The following ARID1B variants were observed in gnomAD, a reference collection of about 807,000 sequenced individuals.
ARID1B encodes AT-rich interaction domain 1B.
A neutral mutation model predicts 212.3 loss-of-function variants in ARID1B; 30 were observed. That is an observed-to-expected ratio of 0.14 (90% CI 0.11 to 0.19). The LOEUF is 0.19. Among genes scored for constraint, ARID1B ranks in the 10% least tolerant of loss-of-function variants. ARID1B has a pLI of 1.00. For missense variants in ARID1B, 2,891 were observed against 3,204.0 expected, an observed-to-expected ratio of 0.90 and a Z score of 2.36; for synonymous variants, 1,402 against 1,301.7, an observed-to-expected ratio of 1.08 and a Z score of -1.66.
rs1794446057 is a variant in ARID1B, at chr6:157,206,311, T to C, written c.5539T>C (p.Leu1847=). 1 of 1,614,046 alleles carries C rather than the reference T, an allele frequency of 6.2e-7. No individual in the cohort carries two copies. The highest frequency in any genetic ancestry group is 1.3e-5 in the African/African-American group (1 of 74,920). The change falls in exon 20 of 20, where the codon TTG becomes CTG. Residue 1847 remains leucine, a synonymous_variant. Transcript: ENST00000636930. This position sits in a 1 kb window ranked among gnomAD's most constrained non-coding sequence, Gnocchi z 6.8. ...AGCAAGGAAGGATGACAGCCAGTCCTTGGCAGACGATTCTGGGAAAGAGGA... is the reference window on the plus strand; with the variant it reads ...AGCAAGGAAGGATGACAGCCAGTCCCTGGCAGACGATTCTGGGAAAGAGGA... The part of the protein sequence containing the change: ...NAARKDDSQS[L]ADDSGKEEED...
chr6:156,789,228 T>C (rs1489211538), intron 1 of ARID1B, among the ~76,000 whole-genome samples: 2 of 152,240 alleles, frequency 1.3e-5, no homozygotes, highest in Non-Finnish European at 2.9e-5. Flanking sequence ...AAAGTGATCC[T>C]AATTTGGATT....
intron 3 of ARID1B, among the ~76,000 whole-genome samples, chr6:156,924,072 T>C (rs1440743844): frequency 6.6e-6 from 1 of 152,198 alleles, no homozygotes; most frequent in Non-Finnish European, 1.5e-5. Flanking sequence ...CCAGGCACAG[T>C]GCTAATTGCT....
rs1168713993 is a variant in ARID1B at position 157,039,729 on chromosome 6, T to C, written c.2248-44933T>C. The stretch of plus-strand genomic sequence containing the variant: ...TCCTTTCTTTCCTTCCTTTCTTTCT[T>C]TCCCTCCCTCCCTCCCTTCCTTCCT... On this transcript the variant is annotated intron_variant, in intron 4 of 19. Transcript: ENST00000636930. Among the ~76,000 whole-genome samples the C allele has an allele frequency of 1.4e-3, 97 of 68,064 alleles. 1 individual carries two copies. Among genetic ancestry groups the C allele is most frequent in the African/African-American group, 5.0e-3 (82 of 16,564 alleles). 44.7% of individuals were successfully genotyped at this position (68,064 alleles called of 152,430 possible).
At chr6:157,012,674 C>T (rs1779685418) in intron 4 of ARID1B, among the ~76,000 whole-genome samples, 1 of 152,150 alleles carries the variant, frequency 6.6e-6, no homozygotes, top group South Asian at 2.1e-4. Flanking sequence ...TTGTACGTGA[C>T]CTTAGACAGT....
intron 6 of ARID1B, among the ~76,000 whole-genome samples, chr6:157,117,559 C>T (rs1787402972): frequency 6.6e-6 from 1 of 152,108 alleles, no homozygotes; most frequent in Non-Finnish European, 1.5e-5. Context: ...CTGAGCTTCC[C>T]CAGGGCCTGC....
chr6:156,844,720 C>T (rs967261234), intron 2 of ARID1B, among the ~76,000 whole-genome samples: 2 of 152,136 alleles, frequency 1.3e-5, no homozygotes, highest in African/African-American at 4.8e-5. Flanking sequence ...TTCCTTTTCC[C>T]TCTATCATCT....
intron 4 of ARID1B, among the ~76,000 whole-genome samples, chr6:157,066,744 T>C (rs1309582524): frequency 6.6e-6 from 1 of 152,206 alleles, no homozygotes; most frequent in Non-Finnish European, 1.5e-5. Context: ...AAAGCAAAAA[T>C]AATACTTGTT....
At chr6:156,832,858 T>C (rs1028137610) in intron 2 of ARID1B, among the ~76,000 whole-genome samples, 1 of 152,208 alleles carries the variant, frequency 6.6e-6, no homozygotes, top group South Asian at 2.1e-4. Flanking sequence ...TTTTGAGATA[T>C]ACTCGTGACT....
At chr6:156,862,287 T>G (rs1722223141) in intron 2 of ARID1B, among the ~76,000 whole-genome samples, 1 of 152,162 alleles carries the variant, frequency 6.6e-6, no homozygotes, top group Admixed American at 6.5e-5. Flanking sequence ...ATCCTCAGAT[T>G]TTACTACAGT....
At chr6:156,846,749 C>A (rs1313480440) in intron 2 of ARID1B, among the ~76,000 whole-genome samples, 1 of 152,140 alleles carries the variant, frequency 6.6e-6, no homozygotes, top group Non-Finnish European at 1.5e-5. Flanking sequence ...CATGGACTCG[C>A]CTGCTGTGGC....
chr6:156,980,975 T>C (rs1777567904), intron 4 of ARID1B, among the ~76,000 whole-genome samples: 1 of 152,238 alleles, frequency 6.6e-6, no homozygotes, highest in African/African-American at 2.4e-5. Flanking sequence ...GTTTATTTTG[T>C]TGTTTACATT....
chr6:156,912,254 C>CTT (rs34051264), intron 3 of ARID1B, among the ~76,000 whole-genome samples: 4 of 126,608 alleles, frequency 3.2e-5, no homozygotes, highest in South Asian at 2.7e-4. Flanking sequence ...AATCAAACCT[C>CTT]TTTTTTTTTT....
chr6:156,942,210 A>T (rs1792727253), intron 4 of ARID1B: 1 of 152,244 alleles, frequency 6.6e-6, no homozygotes, highest in Non-Finnish European at 1.5e-5. Flanking sequence ...GCTGAAGCAT[A>T]ACTGATTTGC....
rs1468081255 is a variant in ARID1B at position 157,084,685 on chromosome 6, C to A, written c.2271C>A (p.Asp757Glu). 6.2e-7 allele frequency: 1 copy of A among 1,614,010 alleles called. No individual in the cohort carries two copies. The highest frequency in any genetic ancestry group is 8.5e-7 in the Non-Finnish European group (1 of 1,180,028). ...SLPDLSGSID[D>E]LPTGTEATLS... ...AGGATCTGTCTGGCTCCATTGATGACCTCCCCACGGGAACGGAAGCAACTT... is the reference window on the plus strand; with the variant it reads ...AGGATCTGTCTGGCTCCATTGATGAACTCCCCACGGGAACGGAAGCAACTT... Residue 757 changes from aspartate to glutamate, a missense_variant, in exon 5 of 20, where the codon GAC becomes GAA. Asp to Glu is a conservative substitution (Grantham distance 45, BLOSUM62 2). Transcript: ENST00000636930.
chr6:157,087,789 T>A (rs1785044544), intron 5 of ARID1B, among the ~76,000 whole-genome samples: 1 of 135,942 alleles, frequency 7.4e-6, no homozygotes, highest in Admixed American at 8.2e-5. Context: ...AGAGTTGAGC[T>A]CAGTTTTCTT....
chr6:157,043,174 C>T (rs1782002314), intron 4 of ARID1B, among the ~76,000 whole-genome samples: 1 of 152,142 alleles, frequency 6.6e-6, no homozygotes, highest in African/African-American at 2.4e-5. Flanking sequence ...CTTCCAACCC[C>T]CAACTAACAG....
intron 2 of ARID1B, among the ~76,000 whole-genome samples, chr6:156,869,000 CATTTGATG>C (rs1443521026): frequency 6.6e-6 from 1 of 151,918 alleles, no homozygotes; most frequent in Non-Finnish European, 1.5e-5. Flanking sequence ...AAGGAAGAGG[CATTTGATG>C]ATTTGTAAAA....
rs779733858 is a variant in ARID1B, at chr6:157,133,106, A to G, written c.2660A>G (p.His887Arg). The change falls in exon 7 of 20, where the codon CAT becomes CGT. Residue 887 changes from histidine (H) to arginine (R), a missense_variant. By Grantham distance (29) the His-to-Arg change is conservative. Coordinates refer to ENST00000636930, the MANE Select transcript of ARID1B (RefSeq NM_001374828.1). ...CAGACAGGACCATCCATGTCGCCTC[A>G]TCCTTCTCCTGGGGGCCAGATGCAT... Reference protein sequence around the residue: ...PQQTGPSMSPHPSPGGQMHAG... With the variant: ...PQQTGPSMSPRPSPGGQMHAG... The G allele has an allele frequency of 8.7e-6, 14 of 1,614,034 alleles. No homozygotes were observed. Among genetic ancestry groups the G allele is most frequent in the Non-Finnish European group, 7.6e-6 (9 of 1,180,046 alleles).
chr6:156,894,743 G>A (rs1164167740), intron 2 of ARID1B, among the ~76,000 whole-genome samples: 1 of 152,202 alleles, frequency 6.6e-6, no homozygotes, highest in Non-Finnish European at 1.5e-5. Flanking sequence ...AAACTGGGGC[G>A]TGTTTTAGTA....
Sources: gnomAD v4.1 joint callset for allele counts (sites outside exome capture counted in the v4.1 genomes callset) on GRCh38, gnomAD v4.1.1 for gene constraint, Gnocchi (gnomAD v3.1) non-coding constraint, MANE v1.5 for transcripts, NCBI Gene and HGNC (gene_info 2026-07-23, HGNC 2026-07-21) for gene names.